Variants in AMZ2 observed in about 807,000 individuals in gnomAD.
AMZ2 encodes archaemetzincin-2.
AMZ2 carries 26 observed loss-of-function variants against 36.7 expected under a neutral mutation model. The observed-to-expected ratio is 0.71, with a 90% CI of 0.52 to 0.98. The LOEUF is 0.98. AMZ2 is among the 50% of genes least tolerant of loss of function. The probability of loss-of-function intolerance (pLI) is 0.00; values close to 1 mark genes in which losing one functional copy is unlikely to be tolerated. For missense variants in AMZ2, 394 were observed against 430.5 expected (o/e 0.92, Z 0.75); for synonymous variants, 144 against 149.1 (o/e 0.97, Z 0.25).
chr17:68,251,107 G>C lies in AMZ2; in HGVS notation c.515G>C (p.Gly172Ala). The C allele has an allele frequency of 3.7e-6, 6 of 1,613,812 alleles. No homozygotes were observed. Among genetic ancestry groups the C allele is most frequent in the Non-Finnish European group, 5.1e-6 (6 of 1,179,924 alleles). The stretch of plus-strand genomic sequence containing the variant: ...CCTGAAGATGCCTTCTGTGTTGTGG[G>C]AATAACAATGATTGATCTTTACCCA... ...KKPEDAFCVVGITMIDLYPRD... is the reference protein window; with the variant it reads ...KKPEDAFCVVAITMIDLYPRD... Residue 172 changes from glycine to alanine, a missense_variant, in exon 4 of 7, where the codon GGA (glycine) becomes GCA (alanine). Coordinates refer to ENST00000359904, the MANE Select transcript of AMZ2 (RefSeq NM_016627.5).
rs781970030 is a variant in AMZ2, at chr17:68,250,485, T to C, written c.283+15T>C. 22 of 1,610,260 alleles carry C rather than the reference T, an allele frequency of 1.4e-5. No individual in the cohort carries two copies. The highest frequency in any genetic ancestry group is 1.7e-5 in the Non-Finnish European group (20 of 1,177,578). The stretch of plus-strand genomic sequence containing the variant: ...ACAGTCCATTGGTAAATACTGGTAA[T>C]GTGCTGGTTTTGGTTCAGTTTTGCA... On this transcript the variant is annotated intron_variant, in intron 2 of 6. Coordinates refer to ENST00000359904, the MANE Select transcript of AMZ2 (RefSeq NM_016627.5).
At chr17:68,216,926 G>A (rs2073210858) in intron 1 of AMZ2, among the ~76,000 whole-genome samples, 1 of 152,010 alleles carries the variant, frequency 6.6e-6, no homozygotes, top group Non-Finnish European at 1.5e-5. Flanking sequence ...CCAGCTACTC[G>A]GGAGGCTGAA....
upstream of AMZ2, among the ~76,000 whole-genome samples, chr17:68,246,381 A>T (rs1372209411): frequency 6.6e-6 from 1 of 151,934 alleles, no homozygotes; most frequent in Non-Finnish European, 1.5e-5. Context: ...TAATAATAAT[A>T]AAAAAAGATG....
At chr17:68,208,633 T>C (rs1192984162) in intron 1 of AMZ2, among the ~76,000 whole-genome samples, 1 of 152,194 alleles carries the variant, frequency 6.6e-6, no homozygotes, top group African/African-American at 2.4e-5. Context: ...CCATTCCACA[T>C]TGTGGAAGCT....
intron 1 of AMZ2, among the ~76,000 whole-genome samples, chr17:68,230,104 C>T (rs1206418897): frequency 6.6e-6 from 1 of 152,082 alleles, no homozygotes. Flanking sequence ...TGGAGTCTCC[C>T]TCTTGTCGTC....
In AMZ2 at chr17:68,211,794, ATATGTGTATATGTATATATG is replaced by A. The variant is rs1188118942; in HGVS notation, c.-67+5566_-67+5585del. ...TGTATATGTATATATGTATATGTATATATGTGTATATGTATATATGTATGTGTATGTATATGTATATATGT... is the reference window on the plus strand; with the variant it reads ...TGTATATGTATATATGTATATGTATATATGTGTATGTATATGTATATATGT... On this transcript the variant is annotated intron_variant, in intron 1 of 7. Transcript: ENST00000674770. Among the ~76,000 whole-genome samples, 9 of 87,836 alleles carry A rather than the reference ATATGTGTATATGTATATATG, an allele frequency of 1.0e-4. No individual in the cohort carries two copies. The East Asian group carries it at 4.4e-3, about 43-fold the overall frequency. The allele number at this position is 87,836 out of a possible 152,430, so 57.6% of individuals were successfully genotyped here. A position where few individuals can be genotyped will look rare whatever the true frequency, so the allele number is the denominator to read the frequency against.
rs1555739071 is a variant in AMZ2 at position 68,250,796 on chromosome 17, T to C, written c.286T>C (p.Ser96Pro). Residue 96 changes from serine to proline, a missense_variant and splice_region_variant, in exon 3 of 7, where the codon TCT becomes CCT. Ser to Pro is a moderately conservative substitution (Grantham distance 74, BLOSUM62 -1). Coordinates refer to ENST00000359904, the MANE Select transcript of AMZ2 (RefSeq NM_016627.5). Reference protein sequence around the residue: ...KRSIYIQSIGSLGNTRIISEE... With the variant: ...KRSIYIQSIGPLGNTRIISEE... ...TTAAATGTTCTTCCATATTGTAGGC[T>C]CTCTAGGAAACACCAGAATTATCAG... 6.4e-7 allele frequency: 1 copy of C among 1,568,672 alleles called. No homozygotes were observed. The highest frequency in any genetic ancestry group is 2.3e-5 in the East Asian group (1 of 44,316).
chr17:68,238,207 C>T (rs574669582), intron 1 of AMZ2, among the ~76,000 whole-genome samples: 77 of 152,218 alleles, frequency 5.1e-4, no homozygotes, highest in Non-Finnish European at 8.4e-4. Context: ...TATTTTCTTT[C>T]TTTCTTCTTC....
chr17:68,256,687 T>C, intron 6 of AMZ2, 127 bp from the exon 7 acceptor site: 1 of 883,544 alleles, frequency 1.1e-6, no homozygotes, highest in Non-Finnish European at 1.7e-6. Flanking sequence ...ATTCACACCA[T>C]CATTATCAAA....
In AMZ2 at chr17:68,209,194, G is replaced by A. The variant is rs541180494; in HGVS notation, c.-67+2956G>A. ...GTAAATTTTTGCCAACTTAATTTTA[G>A]TACTTTTTTTTTTTTTTTTGATGGA... On this transcript the variant is annotated intron_variant, in intron 1 of 7. Coordinates refer to the AMZ2 transcript ENST00000674770. Among the ~76,000 whole-genome samples, 829 of 136,252 alleles carry A rather than the reference G, an allele frequency of 6.1e-3. 9 individuals are homozygous for A. Among genetic ancestry groups the A allele is most frequent in the African/African-American group, 0.023 (800 of 34,186 alleles). 89.4% of individuals were successfully genotyped at this position (136,252 alleles called of 152,430 possible).
At position 68,256,913 on chromosome 17, in the gene AMZ2, G is replaced by A. The variant is rs542410338; in HGVS notation, c.1027G>A (p.Ala343Thr). The A allele has an allele frequency of 6.2e-7, 1 of 1,614,082 alleles. No homozygotes were observed. The highest frequency in any genetic ancestry group is 8.5e-7 in the Non-Finnish European group (1 of 1,180,054). Residue 343 changes from alanine to threonine, a missense_variant, in exon 7 of 7, where the codon GCC becomes ACC. Transcript: ENST00000359904. ...TGGGAATTTACCGAAACCCGTGGAA[G>A]CCTTTAAGGAATGGAAAGAGTGGAT... Reference protein sequence around the residue: ...DNGNLPKPVEAFKEWKEWIIK... With the variant: ...DNGNLPKPVETFKEWKEWIIK...
rs782131820 is a variant in AMZ2 at position 68,255,799 on chromosome 17, C to T, written c.850C>T (p.Arg284Cys). The T allele has an allele frequency of 1.1e-5, 18 of 1,614,022 alleles. No individual in the cohort carries two copies. The highest frequency in any genetic ancestry group is 2.2e-5 in the East Asian group (1 of 44,880). The change falls in exon 6 of 7, where the codon CGC becomes TGC. Residue 284 changes from arginine to cysteine, a missense_variant. Arg to Cys is a radical substitution (Grantham distance 180). Coordinates refer to ENST00000359904, the MANE Select transcript of AMZ2 (RefSeq NM_016627.5). The stretch of plus-strand genomic sequence containing the variant: ...CAACCACTTGGAAGAAGCTGACCGG[C>T]GCCCTCTAAACCTTTGCCCTATCTG... Reference protein sequence around the residue: ...GSNHLEEADRRPLNLCPICLH... With the variant: ...GSNHLEEADRCPLNLCPICLH...
chr17:68,247,565 GC>G, upstream of AMZ2: 1 of 927,984 alleles, frequency 1.1e-6, no homozygotes, highest in Non-Finnish European at 1.3e-6. Context: ...AGCCCCCGCG[GC>G]CCCCAACAAA....
At chr17:68,213,781 A>T (rs11077354) in intron 1 of AMZ2, among the ~76,000 whole-genome samples, 34,012 of 150,082 alleles carry the variant, frequency 0.23, 4,163 homozygotes, top group South Asian at 0.28. Flanking sequence ...GTCTTCTGAC[A>T]TTCTTATCAT....
At chr17:68,227,660 G>A (rs1248160915) in intron 1 of AMZ2, among the ~76,000 whole-genome samples, 3 of 152,012 alleles carry the variant, frequency 2.0e-5, no homozygotes, top group Admixed American at 2.0e-4. Context: ...ATCTTCACAC[G>A]GCCTTCTCCT....
chr17:68,246,076 T>C (rs1482920620), upstream of AMZ2, among the ~76,000 whole-genome samples: 2 of 151,256 alleles, frequency 1.3e-5, no homozygotes, highest in East Asian at 1.9e-4. Context: ...GAGGCCGAAG[T>C]AGGTGGATCA....
chr17:68,210,960 G>T (rs570407732), intron 1 of AMZ2, among the ~76,000 whole-genome samples: 117 of 80,534 alleles, frequency 1.5e-3, no homozygotes, highest in Admixed American at 2.8e-3. Context: ...AAAAAAAAGG[G>T]GGGGGGGGAG....
Position 68,209,624 on chromosome 17 carries a change from A to G in AMZ2, c.-67+3386A>G, listed in dbSNP as rs11650812. Among the ~76,000 whole-genome samples, 15 of 93,462 alleles carry G rather than the reference A, an allele frequency of 1.6e-4. 1 individual carries two copies. Among genetic ancestry groups the G allele is most frequent in the Non-Finnish European group, 2.6e-4 (13 of 50,770 alleles). 61.3% of individuals were successfully genotyped at this position (93,462 alleles called of 152,430 possible). A position where few individuals can be genotyped will look rare whatever the true frequency, so the allele number is the denominator to read the frequency against. On this transcript the variant is annotated intron_variant, in intron 1 of 7. Coordinates refer to the AMZ2 transcript ENST00000674770. ...TGTGTGTATATGTATATATATATAT[A>G]TATATATATTTTTTTTTTTTTTTAT...
chr17:68,235,505 C>T lies in AMZ2; in HGVS notation c.-66-13135C>T, dbSNP rs1290623345. Among the ~76,000 whole-genome samples the T allele has an allele frequency of 4.6e-5, 7 of 152,178 alleles. No individual in the cohort carries two copies. Among genetic ancestry groups the T allele is most frequent in the African/African-American group, 1.7e-4 (7 of 41,442 alleles). On this transcript the variant is annotated intron_variant, in intron 1 of 7. Coordinates refer to the AMZ2 transcript ENST00000674770. The surrounding 1 kb of genome is among the most constrained non-coding windows in gnomAD (Gnocchi z 4.2). ...ACAGACCGTGGAGTTCGCGCCCTCT[C>T]ACTGTGGCACACGGGCCTGAGCCTC...
Sources: allele counts gnomAD v4.1 joint callset (sites outside exome capture counted in the v4.1 genomes callset), GRCh38; gene constraint gnomAD v4.1.1; non-coding constraint Gnocchi (gnomAD v3.1); transcripts MANE v1.5; gene names NCBI Gene and HGNC (gene_info 2026-07-23, HGNC 2026-07-21).